Variants in UBE2E2 observed in about 807,000 individuals in gnomAD.
UBE2E2 encodes the protein ubiquitin conjugating enzyme E2 E2, also known as ubiquitin-conjugating enzyme E2 E2.
In UBE2E2, 6 loss-of-function variants were observed where a neutral mutation model predicts 24.7. The observed-to-expected ratio is 0.24, with a 90% CI of 0.13 to 0.48. The LOEUF (loss-of-function observed/expected upper bound fraction) is 0.48, where lower values mean the gene tolerates loss of function less well. UBE2E2 is among the 20% of genes least tolerant of loss of function. The probability of loss-of-function intolerance (pLI) is 0.99; values close to 1 mark genes in which losing one functional copy is unlikely to be tolerated. For missense variants in UBE2E2, 169 were observed against 245.0 expected (o/e 0.69, Z 2.07); for synonymous variants, 104 against 83.6 (o/e 1.24, Z -1.33).
In UBE2E2 at chr3:23,353,204, C is replaced by A. The variant is rs184438677; in HGVS notation, c.227+135892C>A. Reference sequence around the variant, plus strand: ...TCAACAACACTTCATGCTAAAAACTCTCAATAAATTAGGTATTGATGGGAC... The same window carrying A: ...TCAACAACACTTCATGCTAAAAACTATCAATAAATTAGGTATTGATGGGAC... On this transcript the variant is annotated intron_variant, in intron 3 of 5. Transcript: ENST00000396703. 2.4e-3 allele frequency among the ~76,000 whole-genome samples: 359 copies of A among 152,292 alleles called. 3 individuals carry two copies. The highest frequency in any genetic ancestry group is 8.3e-3 in the African/African-American group (343 of 41,556).
At chr3:23,371,073 A>G (rs183951414) in intron 3 of UBE2E2, among the ~76,000 whole-genome samples, 24 of 152,306 alleles carry the variant, frequency 1.6e-4, no homozygotes, top group African/African-American at 5.1e-4. Context: ...TCCATTGCCT[A>G]GGCTTGAGTG....
chr3:23,223,027 T>TCCCC (rs1559445377), intron 3 of UBE2E2, among the ~76,000 whole-genome samples: 12 of 40,302 alleles, frequency 3.0e-4, no homozygotes, highest in African/African-American at 7.6e-4. Context: ...CCCCCCCCCT[T>TCCCC]TTTTTTTTTT....
chr3:23,414,719 C>G (rs1697582507), intron 3 of UBE2E2, among the ~76,000 whole-genome samples: 1 of 152,118 alleles, frequency 6.6e-6, no homozygotes, highest in South Asian at 2.1e-4. Flanking sequence ...GAGGCCTTTA[C>G]AAAGTGATTA....
chr3:23,220,016 C>CT (rs1696582311), intron 3 of UBE2E2, among the ~76,000 whole-genome samples: 1 of 152,044 alleles, frequency 6.6e-6, no homozygotes, highest in Admixed American at 6.6e-5. Context: ...AGTTAAGCTT[C>CT]TTTTGGAATC....
At chr3:23,367,663 G>A (rs1032450287) in intron 3 of UBE2E2, among the ~76,000 whole-genome samples, 1 of 152,062 alleles carries the variant, frequency 6.6e-6, no homozygotes. Context: ...CCGTGATTTC[G>A]TTCGGGCAGA....
intron 3 of UBE2E2, among the ~76,000 whole-genome samples, chr3:23,336,644 T>C (rs1045861503): frequency 3.3e-5 from 5 of 152,210 alleles, no homozygotes; most frequent in African/African-American, 1.2e-4. Flanking sequence ...AACGTAGATA[T>C]TGCGTATCTC....
intron 3 of UBE2E2, chr3:23,449,778 G>A (rs1698521256): frequency 1.4e-6 from 1 of 713,796 alleles, no homozygotes; most frequent in South Asian, 6.3e-5. Context: ...AAATAATCCA[G>A]TAAGCAGTGT....
intron 5 of UBE2E2, among the ~76,000 whole-genome samples, chr3:23,571,523 C>T (rs1158630588): frequency 1.3e-5 from 2 of 151,638 alleles, no homozygotes; most frequent in African/African-American, 2.4e-5. Context: ...CTCCTGACCT[C>T]GTGATCCGCC....
At chr3:23,547,883 T>C (rs183725692) in intron 5 of UBE2E2, among the ~76,000 whole-genome samples, 133 of 152,304 alleles carry the variant, frequency 8.7e-4, no homozygotes, top group African/African-American at 2.9e-3. Context: ...GGTGATCACA[T>C]TGACTTTTAA....
intron 3 of UBE2E2, among the ~76,000 whole-genome samples, chr3:23,259,631 G>A (rs4858487): frequency 0.16 from 23,940 of 151,816 alleles, 2,007 homozygotes; most frequent in South Asian, 0.22. Context: ...AAATTTAGGG[G>A]CCAAAGGCTG....
intron 3 of UBE2E2, among the ~76,000 whole-genome samples, chr3:23,494,863 C>A (rs951236403): frequency 2.0e-5 from 3 of 151,926 alleles, no homozygotes; most frequent in Non-Finnish European, 2.9e-5. Flanking sequence ...CATCTTCTAT[C>A]TCCTGGGATA....
At chr3:23,343,762 C>A (rs1695468359) in intron 3 of UBE2E2, among the ~76,000 whole-genome samples, 1 of 152,166 alleles carries the variant, frequency 6.6e-6, no homozygotes, top group Non-Finnish European at 1.5e-5. Context: ...GGACTTCTCA[C>A]ACCATTGATA....
chr3:23,220,609 AG>A (rs1308223765), intron 3 of UBE2E2, among the ~76,000 whole-genome samples: 1 of 152,198 alleles, frequency 6.6e-6, no homozygotes, highest in African/African-American at 2.4e-5. Context: ...GACATTTGCA[AG>A]GGTTCTATCC....
chr3:23,429,770 CG>C (rs1698012384), intron 3 of UBE2E2, among the ~76,000 whole-genome samples: 1 of 151,948 alleles, frequency 6.6e-6, no homozygotes, highest in South Asian at 2.1e-4. Flanking sequence ...TGTAGAAAAC[CG>C]AAAAGAATCG....
intron 5 of UBE2E2, among the ~76,000 whole-genome samples, chr3:23,561,998 A>G (rs1422558071): frequency 1.3e-5 from 2 of 152,226 alleles, no homozygotes; most frequent in African/African-American, 2.4e-5. Flanking sequence ...TAGATATACA[A>G]TCATGTGACC....
intron 3 of UBE2E2, among the ~76,000 whole-genome samples, chr3:23,319,079 T>C (rs957242277): frequency 3.3e-4 from 51 of 152,328 alleles, no homozygotes; most frequent in African/African-American, 1.1e-3. Context: ...ACTTTTACTT[T>C]ATAGGCAGTA....
intron 3 of UBE2E2, among the ~76,000 whole-genome samples, chr3:23,327,713 G>A (rs1437814125): frequency 1.3e-5 from 2 of 152,164 alleles, no homozygotes; most frequent in African/African-American, 4.8e-5. Flanking sequence ...CAAAGCAAAG[G>A]CTCGACAAAA....
chr3:23,495,818 G>A (rs1699586559), intron 3 of UBE2E2, among the ~76,000 whole-genome samples: 1 of 152,108 alleles, frequency 6.6e-6, no homozygotes, highest in African/African-American at 2.4e-5. Flanking sequence ...GGGGTGATGG[G>A]GGAGGAATGC....
chr3:23,575,529 A>G (rs753236090), intron 5 of UBE2E2, among the ~76,000 whole-genome samples: 15 of 152,198 alleles, frequency 9.9e-5, no homozygotes, highest in Non-Finnish European at 2.2e-4. Flanking sequence ...CAGAAGAAAT[A>G]CAAATGGTGA....
Sources: gnomAD v4.1 joint callset for allele counts (sites outside exome capture counted in the v4.1 genomes callset) on GRCh38, gnomAD v4.1.1 for gene constraint, MANE v1.5 for transcripts, NCBI Gene and HGNC (gene_info 2026-07-23, HGNC 2026-07-21) for gene names.